The following TRIML1 variants were observed in gnomAD, a reference collection of about 807,000 sequenced individuals.
TRIML1 encodes tripartite motif family like 1.
A neutral mutation model predicts 32.3 loss-of-function variants in TRIML1; 34 were observed. The observed-to-expected ratio is 1.05, with a 90% CI of 0.80 to 1.40. The LOEUF (loss-of-function observed/expected upper bound fraction) is 1.40, where lower values mean the gene tolerates loss of function less well. Among genes scored for constraint, TRIML1 ranks in the 40% most tolerant of loss-of-function variants. The pLI, the probability that TRIML1 is intolerant of heterozygous loss-of-function variation, is 0.00. For synonymous variants in TRIML1, 244 were observed against 226.6 expected, an observed-to-expected ratio of 1.08 and a Z score of -0.69; for missense variants, 595 against 574.9, an observed-to-expected ratio of 1.03 and a Z score of -0.36.
In TRIML1 at chr4:188,147,129, C is replaced by A. The variant is rs1232581635; in HGVS notation, c.1164C>A (p.Ser388Arg). The A allele has an allele frequency of 1.2e-6, 2 of 1,613,966 alleles. No individual in the cohort carries two copies. Among genetic ancestry groups the A allele is most frequent in the African/African-American group, 2.7e-5 (2 of 74,918 alleles). Reference protein sequence around the residue: ...LIGLKIGDDYSLWVSSPLKGQ... With the variant: ...LIGLKIGDDYRLWVSSPLKGQ... Reference sequence around the variant, plus strand: ...GTTTAAAAATCGGAGATGATTACAGCCTCTGGGTCTCGTCACCTTTGAAAG... The same window carrying A: ...GTTTAAAAATCGGAGATGATTACAGACTCTGGGTCTCGTCACCTTTGAAAG... Residue 388 changes from serine (S) to arginine (R), a missense_variant, in exon 6 of 6, where the codon AGC becomes AGA. Ser to Arg is a moderately radical substitution (Grantham distance 110). Coordinates refer to ENST00000332517, the MANE Select transcript of TRIML1 (RefSeq NM_178556.5).
chr4:188,139,356 G>A (rs1734757634), upstream of TRIML1: 1 of 521,422 alleles, frequency 1.9e-6, no homozygotes, highest in Non-Finnish European at 3.3e-6. Context: ...GTATACAGGA[G>A]TTCCACATTA....
chr4:188,142,404 C>T lies in TRIML1; in HGVS notation c.657C>T (p.Thr219=), dbSNP rs776216898. ...TGAGGAACAATGAGATCAAACTGACCCAGCAAATCAGAAGCCTAAGCAAAA... is the reference window on the plus strand; with the variant it reads ...TGAGGAACAATGAGATCAAACTGACTCAGCAAATCAGAAGCCTAAGCAAAA... The part of the protein sequence containing the change: ...RKLRNNEIKL[T]QQIRSLSKMI... Residue 219 remains threonine (T), a synonymous_variant, in exon 3 of 6, where the codon ACC becomes ACT. Coordinates refer to ENST00000332517, the MANE Select transcript of TRIML1 (RefSeq NM_178556.5). 1.1e-5 allele frequency: 17 copies of T among 1,613,446 alleles called. No individual in the cohort carries two copies. The highest frequency in any genetic ancestry group is 1.3e-5 in the African/African-American group (1 of 74,716).
At position 188,147,436 on chromosome 4, in the gene TRIML1, T is replaced by G. The variant is rs1418341246; in HGVS notation, c.*64T>G. ...GACCAAGACACAACTATTAAGACGATGAAGGCATCGACAGTATTAATGTCA... is the reference window on the plus strand; with the variant it reads ...GACCAAGACACAACTATTAAGACGAGGAAGGCATCGACAGTATTAATGTCA... On this transcript the variant is annotated 3_prime_UTR_variant, in exon 6 of 6. Coordinates refer to ENST00000332517, the MANE Select transcript of TRIML1 (RefSeq NM_178556.5). 1 of 1,367,356 alleles carries G rather than the reference T, an allele frequency of 7.3e-7. No homozygotes were observed. Among genetic ancestry groups the G allele is most frequent in the South Asian group, 1.9e-5 (1 of 52,374 alleles). 84.7% of individuals were successfully genotyped at this position (1,367,356 alleles called of 1,614,324 possible). A position where few individuals can be genotyped will look rare whatever the true frequency, so the allele number is the denominator to read the frequency against.
At chr4:188,140,824 G>A (rs1579162963) in intron 2 of TRIML1, 1 of 516,604 alleles carries the variant, frequency 1.9e-6, no homozygotes, top group Non-Finnish European at 3.5e-6. Context: ...GCCCCCTCTA[G>A]GAGCCTCCTT....
Position 188,139,467 on chromosome 4 carries a change from C to T in TRIML1, c.-92C>T. The T allele has an allele frequency of 7.7e-7, 1 of 1,298,468 alleles. No individual in the cohort carries two copies. Among genetic ancestry groups the T allele is most frequent in the South Asian group, 1.5e-5 (1 of 68,512 alleles). 80.4% of individuals were successfully genotyped at this position (1,298,468 alleles called of 1,614,324 possible). A position where few individuals can be genotyped will look rare whatever the true frequency, so the allele number is the denominator to read the frequency against. ...TCATAACAACATAGGAACAGGTCAC[C>T]CGCGTGTTACTCAAAACTGTAGGAC... On this transcript the variant is annotated 5_prime_UTR_variant, in exon 1 of 6. Transcript: ENST00000332517.
intron 3 of TRIML1, chr4:188,143,554 A>T: frequency 4.4e-6 from 2 of 455,666 alleles, no homozygotes. Context: ...ATCGAGACTA[A>T]CAGGTTGGCT....
rs765837635 is a variant in TRIML1, at chr4:188,140,545, C to T, written c.426C>T (p.Ile142=). The T allele has an allele frequency of 1.2e-6, 2 of 1,613,956 alleles. No individual in the cohort carries two copies. Among genetic ancestry groups the T allele is most frequent in the Non-Finnish European group, 1.7e-6 (2 of 1,179,886 alleles). The change falls in exon 2 of 6, where the codon ATC becomes ATT. Residue 142 remains isoleucine (I), a synonymous_variant. Coordinates refer to ENST00000332517, the MANE Select transcript of TRIML1 (RefSeq NM_178556.5). ...TATTGCAGGAGAAACTCCAGGAAAT[C>T]CTGAATCTTTTGCGTGTAAGGAGAA... The part of the protein sequence containing the change: ...EEHHREKLQE[I]LNLLRVRRKE...
chr4:188,140,927 C>T lies in TRIML1; in HGVS notation c.504+304C>T, dbSNP rs539259885. 21 of 202,094 alleles carry T rather than the reference C, an allele frequency of 1.0e-4. No individual in the cohort carries two copies. The East Asian group carries it at 2.2e-3, about 21-fold the overall frequency. The allele number at this position is 202,094 out of a possible 1,614,324, so 12.5% of individuals were successfully genotyped here. ...ATACTTATAGACATGTAACATGAGA[C>T]GGAAAGCGATTTTAAAAAGAAATAT... On this transcript the variant is annotated intron_variant, in intron 2 of 5. Transcript: ENST00000332517.
rs765842592 is a variant in TRIML1, at chr4:188,139,998, C to T, written c.408+32C>T. The T allele has an allele frequency of 2.1e-5, 32 of 1,552,286 alleles. No homozygotes were observed. The Admixed American group carries it at 5.4e-4, about 26-fold the overall frequency. On this transcript the variant is annotated intron_variant, in intron 1 of 5. Coordinates refer to ENST00000332517, the MANE Select transcript of TRIML1 (RefSeq NM_178556.5). Reference sequence around the variant, plus strand: ...CAGCTGCTCAGCATGAACCCCACGACTCATCGCAGCTAACTCCGTTAGCTT... The same window carrying T: ...CAGCTGCTCAGCATGAACCCCACGATTCATCGCAGCTAACTCCGTTAGCTT...
rs879642845 is a variant in TRIML1 at position 188,147,489 on chromosome 4, C to T, written c.*117C>T. 3 of 820,012 alleles carry T rather than the reference C, an allele frequency of 3.7e-6. No homozygotes were observed. The highest frequency in any genetic ancestry group is 8.8e-5 in the South Asian group (2 of 22,672). 50.8% of individuals were successfully genotyped at this position (820,012 alleles called of 1,614,324 possible). A position where few individuals can be genotyped will look rare whatever the true frequency, so the allele number is the denominator to read the frequency against. ...TGATCTGAAATAAACTCCCGTAACC[C>T]CACCCCACCCCCAAGAGTTTCCATT... On this transcript the variant is annotated 3_prime_UTR_variant, in exon 6 of 6. Coordinates refer to ENST00000332517, the MANE Select transcript of TRIML1 (RefSeq NM_178556.5).
chr4:188,147,301 TC>T lies in TRIML1; in HGVS notation c.1341del (p.Cys448AlafsTer17), dbSNP rs1314383771. The T allele has an allele frequency of 5.9e-6, 9 of 1,536,070 alleles. No homozygotes were observed. In the South Asian group the frequency reaches 7.8e-5, roughly 13 times the overall value. ...SFQEALRPIF[S>X]PCLPNEGTNT... is the part of the protein sequence containing the mutation. The stretch of plus-strand genomic sequence containing the variant: ...CCAAGAGGCCCTCAGGCCTATCTTT[TC>T]CCCCTGCCTCCCAAATGAGGGGACA... On this transcript the variant is annotated frameshift_variant, in exon 6 of 6. Transcript: ENST00000332517. LOFTEE classifies it high-confidence loss of function.
downstream of TRIML1, among the ~76,000 whole-genome samples, chr4:188,149,842 C>A (rs995332101): frequency 6.6e-6 from 1 of 152,104 alleles, no homozygotes; most frequent in East Asian, 1.9e-4. Context: ...CTGGCTCTCT[C>A]GCCAGGCTGG....
chr4:188,148,161 C>G (rs548457382), downstream of TRIML1, among the ~76,000 whole-genome samples: 1 of 152,234 alleles, frequency 6.6e-6, no homozygotes, highest in South Asian at 2.1e-4. Context: ...GGCTTTCAAT[C>G]TCCAGAAGGC....
At chr4:188,138,365 G>C (rs1400893307), upstream of TRIML1, among the ~76,000 whole-genome samples, 1 of 152,134 alleles carries the variant, frequency 6.6e-6, no homozygotes, top group Non-Finnish European at 1.5e-5. Flanking sequence ...CCGACTCGTG[G>C]AAGGCTGCCA....
Position 188,139,904 on chromosome 4 carries a change from G to T in TRIML1, c.346G>T (p.Val116Leu). Residue 116 changes from valine (V) to leucine (L), a missense_variant, in exon 1 of 6, where the codon GTA (valine) becomes TTA (leucine). Physicochemically the swap from Val to Leu is conservative, Grantham distance 32 (BLOSUM62 1). Transcript: ENST00000332517. ...SDDEQGGSAF[V>L]AQSHGANRVH... ...TGACGAGCAGGGTGGAAGCGCCTTCGTAGCCCAGAGCCATGGTGCAAACAG... is the reference window on the plus strand; with the variant it reads ...TGACGAGCAGGGTGGAAGCGCCTTCTTAGCCCAGAGCCATGGTGCAAACAG... 1 of 1,613,806 alleles carries T rather than the reference G, an allele frequency of 6.2e-7. No homozygotes were observed. Among genetic ancestry groups the T allele is most frequent in the Non-Finnish European group, 8.5e-7 (1 of 1,180,000 alleles).
At chr4:188,150,680 A>G (rs1361993543), downstream of TRIML1, among the ~76,000 whole-genome samples, 1 of 151,772 alleles carries the variant, frequency 6.6e-6, no homozygotes, top group East Asian at 2.0e-4. Context: ...ATACTGACAA[A>G]GAGTCTAGCC....
At chr4:188,143,115 G>A (rs1734926816) in intron 3 of TRIML1, 1 of 151,514 alleles carries the variant, frequency 6.6e-6, no homozygotes. Context: ...GAGTGCAGTG[G>A]TGCAATCTTG....
chr4:188,144,448 C>T lies in TRIML1; in HGVS notation c.856+315C>T, dbSNP rs547709193. Reference sequence around the variant, plus strand: ...CGCGATCTCGGCTCACTGCAAGCTCCGCTTCCCGGGTTCACGCCATTCTCC... The same window carrying T: ...CGCGATCTCGGCTCACTGCAAGCTCTGCTTCCCGGGTTCACGCCATTCTCC... On this transcript the variant is annotated intron_variant, in intron 5 of 5. Coordinates refer to ENST00000332517, the MANE Select transcript of TRIML1 (RefSeq NM_178556.5). 2.6e-3 allele frequency among the ~76,000 whole-genome samples: 380 copies of T among 149,006 alleles called. 2 individuals carry two copies. Among genetic ancestry groups the T allele is most frequent in the Middle Eastern group, 6.9e-3 (2 of 288 alleles).
At chr4:188,150,367 G>A (rs1735219135), downstream of TRIML1, among the ~76,000 whole-genome samples, 1 of 151,892 alleles carries the variant, frequency 6.6e-6, no homozygotes, top group African/African-American at 2.4e-5. Context: ...GACCTCAAGT[G>A]ATCCACCCGC....
Sources: gnomAD v4.1 joint callset for allele counts (sites outside exome capture counted in the v4.1 genomes callset) on GRCh38, gnomAD v4.1.1 for gene constraint, MANE v1.5 for transcripts, NCBI Gene and HGNC (gene_info 2026-07-23, HGNC 2026-07-21) for gene names.